PTPRQ: variants seen among roughly 807,000 people sequenced by gnomAD.
The protein encoded by PTPRQ is phosphatidylinositol phosphatase PTPRQ.
Under a neutral mutation model 246.0 loss-of-function variants are expected in PTPRQ, and 199 were observed. The observed-to-expected ratio is 0.81, with a 90% CI of 0.72 to 0.91. The LOEUF (loss-of-function observed/expected upper bound fraction) is 0.91, where lower values mean the gene tolerates loss of function less well. Among genes scored for constraint, PTPRQ ranks in the 40% least tolerant of loss-of-function variants. The pLI, the probability that PTPRQ is intolerant of heterozygous loss-of-function variation, is 0.00. For synonymous variants in PTPRQ, 869 were observed against 853.2 expected (o/e 1.02, Z -0.32); for missense variants, 2,624 against 2,528.4 (o/e 1.04, Z -0.81).
chr12:80,448,213 T>C (rs1892613785), intron 3 of PTPRQ, among the ~76,000 whole-genome samples: 1 of 152,052 alleles, frequency 6.6e-6, no homozygotes, highest in Admixed American at 6.6e-5. Flanking sequence ...GTATAGAAAT[T>C]CCACTTATTT....
intron 17 of PTPRQ, among the ~76,000 whole-genome samples, chr12:80,525,521 G>T (rs1230197672): frequency 6.6e-6 from 1 of 152,134 alleles, no homozygotes; most frequent in Admixed American, 6.6e-5. Context: ...TAAGAAGTTT[G>T]AATTTTCTTG....
intron 24 of PTPRQ, among the ~76,000 whole-genome samples, chr12:80,547,768 G>C (rs1285668945): frequency 1.3e-5 from 2 of 152,032 alleles, no homozygotes; most frequent in African/African-American, 4.8e-5. Context: ...AAAATATTTG[G>C]AAAGATCCAC....
chr12:80,494,701 G>C (rs953273664), intron 10 of PTPRQ, among the ~76,000 whole-genome samples: 1 of 151,874 alleles, frequency 6.6e-6, no homozygotes, highest in African/African-American at 2.4e-5. Context: ...CAAAATGTTT[G>C]TGGTTATTAT....
intron 26 of PTPRQ, among the ~76,000 whole-genome samples, chr12:80,592,370 T>C (rs192607705): frequency 6.6e-6 from 1 of 152,292 alleles, no homozygotes; most frequent in East Asian, 1.9e-4. Context: ...ATTTTTCTAA[T>C]GATAAATATT....
intron 3 of PTPRQ, among the ~76,000 whole-genome samples, chr12:80,449,195 G>A (rs1015418488): frequency 1.3e-5 from 2 of 151,222 alleles, no homozygotes; most frequent in African/African-American, 4.9e-5. Context: ...GTCTGTTCAT[G>A]TCCTTCACCC....
chr12:80,529,064 G>A (rs1164091081), intron 17 of PTPRQ, among the ~76,000 whole-genome samples: 1 of 152,142 alleles, frequency 6.6e-6, no homozygotes, highest in Admixed American at 6.6e-5. Flanking sequence ...TTAGGAATGT[G>A]CAACTGTTTA....
chr12:80,655,329 T>C (rs767595171), intron 38 of PTPRQ, among the ~76,000 whole-genome samples: 5 of 152,168 alleles, frequency 3.3e-5, no homozygotes, highest in African/African-American at 9.6e-5. Context: ...GAAATAATCA[T>C]GTAAATCGCT....
chr12:80,540,621 T>C (rs1218774912), intron 20 of PTPRQ, among the ~76,000 whole-genome samples: 4 of 152,114 alleles, frequency 2.6e-5, no homozygotes, highest in Non-Finnish European at 5.9e-5. Context: ...TAAAACTCCA[T>C]GTTTATTATC....
chr12:80,595,563 ATATT>A (rs1205882885), intron 26 of PTPRQ, among the ~76,000 whole-genome samples: 1 of 151,814 alleles, frequency 6.6e-6, no homozygotes, highest in Non-Finnish European at 1.5e-5. Context: ...AAACCAGTAT[ATATT>A]TATTATTATT....
chr12:80,601,794 T>C (rs951625639), intron 26 of PTPRQ, among the ~76,000 whole-genome samples: 1 of 151,814 alleles, frequency 6.6e-6, no homozygotes, highest in African/African-American at 2.4e-5. Context: ...CAATTAATTA[T>C]GCTGATGGCA....
intron 25 of PTPRQ, among the ~76,000 whole-genome samples, chr12:80,574,523 T>A (rs1379601017): frequency 6.6e-6 from 1 of 152,200 alleles, no homozygotes; most frequent in African/African-American, 2.4e-5. Context: ...GGGTTAACTA[T>A]ATATTTTTAG....
Position 80,620,360 on chromosome 12 carries a change from C to T in PTPRQ, c.5596C>T (p.Pro1866Ser). 1.3e-6 allele frequency: 2 copies of T among 1,548,168 alleles called. No individual in the cohort carries two copies. Among genetic ancestry groups the T allele is most frequent in the Non-Finnish European group, 1.7e-6 (2 of 1,144,964 alleles). ...CAAAATTTGCAATGGACCACTGAAACCAAAAAAGCAATACTTGTAAGTATA... is the reference window on the plus strand; with the variant it reads ...CAAAATTTGCAATGGACCACTGAAATCAAAAAAGCAATACTTGTAAGTATA... ...EDKICNGPLK[P>S]KKQYLFKFRA... The change falls in exon 32 of 45, where the codon CCA (proline) becomes TCA (serine). Residue 1866 changes from proline to serine, a missense_variant. Physicochemically the swap from Pro to Ser is moderately conservative, Grantham distance 74. Coordinates refer to ENST00000644991, the MANE Select transcript of PTPRQ (RefSeq NM_001145026.2).
At chr12:80,623,081 G>A (rs749102436) in intron 33 of PTPRQ, among the ~76,000 whole-genome samples, 21 of 152,240 alleles carry the variant, frequency 1.4e-4, no homozygotes, top group Non-Finnish European at 2.6e-4. Context: ...ACTTGAAAAT[G>A]TAAGACTTCA....
At chr12:80,507,766 A>G (rs1043990411) in intron 16 of PTPRQ, among the ~76,000 whole-genome samples, 20 of 151,706 alleles carry the variant, frequency 1.3e-4, no homozygotes, top group African/African-American at 2.2e-4. Flanking sequence ...CCAAATTCCA[A>G]TTTTTCTTCA....
intron 26 of PTPRQ, among the ~76,000 whole-genome samples, chr12:80,598,508 G>C (rs963773911): frequency 4.6e-5 from 7 of 151,982 alleles, no homozygotes; most frequent in Non-Finnish European, 5.9e-5. Flanking sequence ...CCACCAGCGA[G>C]TTGGATTTCT....
At chr12:80,655,401 G>A (rs558229778) in intron 38 of PTPRQ, among the ~76,000 whole-genome samples, 1 of 152,262 alleles carries the variant, frequency 6.6e-6, no homozygotes, top group South Asian at 2.1e-4. Context: ...TTGGTTAATA[G>A]ATCATTTCCT....
intron 35 of PTPRQ, among the ~76,000 whole-genome samples, chr12:80,642,646 C>A (rs555693485): frequency 2.0e-5 from 3 of 152,192 alleles, no homozygotes; most frequent in Admixed American, 1.3e-4. Context: ...GAGGGCCGGG[C>A]GCGGTGGCTC....
intron 38 of PTPRQ, 82 bp from the exon 39 acceptor site, chr12:80,657,903 T>C: frequency 9.8e-7 from 1 of 1,019,450 alleles, no homozygotes; most frequent in Non-Finnish European, 1.3e-6. Context: ...TATTATGAAC[T>C]CCTTTGTATT....
intron 25 of PTPRQ, among the ~76,000 whole-genome samples, chr12:80,574,910 A>G (rs1222570576): frequency 6.6e-6 from 1 of 152,202 alleles, no homozygotes; most frequent in Non-Finnish European, 1.5e-5. Flanking sequence ...GTTTAGTCCC[A>G]AACTTTGGAT....
Sources: allele counts gnomAD v4.1 joint callset (sites outside exome capture counted in the v4.1 genomes callset), GRCh38; gene constraint gnomAD v4.1.1; transcripts MANE v1.5; gene names NCBI Gene and HGNC (gene_info 2026-07-23, HGNC 2026-07-21).